The following ATRNL1 variants were observed in gnomAD, a reference collection of about 807,000 sequenced individuals.
ATRNL1 encodes the protein attractin like 1.
A neutral mutation model predicts 182.7 loss-of-function variants in ATRNL1; 95 were observed. The ratio of observed to expected loss-of-function variants is 0.52; its 90% CI spans 0.44 to 0.62. ATRNL1 has a LOEUF of 0.62. Among genes scored for constraint, ATRNL1 ranks in the 20% least tolerant of loss-of-function variants. The pLI is 0.00. For missense variants in ATRNL1, 1,471 were observed against 1,679.5 expected, an observed-to-expected ratio of 0.88 and a Z score of 2.17; for synonymous variants, 576 against 568.3, an observed-to-expected ratio of 1.01 and a Z score of -0.19.
At chr10:115,853,409 A>G (rs1442823528) in intron 28 of ATRNL1, among the ~76,000 whole-genome samples, 1 of 152,214 alleles carries the variant, frequency 6.6e-6, no homozygotes, top group Non-Finnish European at 1.5e-5. Context: ...AGTGAGAGGT[A>G]CATTTCCCAT....
At chr10:115,484,133 G>C (rs1414630) in intron 24 of ATRNL1, among the ~76,000 whole-genome samples, 95,501 of 150,406 alleles carry the variant, frequency 0.63, 31,350 homozygotes, top group Non-Finnish European at 0.71. Flanking sequence ...TTTTTTTTCA[G>C]TAAATGTCAA....
At chr10:115,784,881 G>T (rs1250148605) in intron 27 of ATRNL1, among the ~76,000 whole-genome samples, 2 of 152,104 alleles carry the variant, frequency 1.3e-5, no homozygotes, top group Non-Finnish European at 2.9e-5. Context: ...CACATTTTGG[G>T]TGGACATGAA....
chr10:115,113,666 C>G (rs1425637546), intron 1 of ATRNL1, among the ~76,000 whole-genome samples: 1 of 152,170 alleles, frequency 6.6e-6, no homozygotes, highest in African/African-American at 2.4e-5. Flanking sequence ...TGCCTTCCAC[C>G]ATGATTGTGC....
rs548661522 is a variant in ATRNL1, at chr10:115,289,612, T to C, written c.2415+3215T>C. 1.3e-4 allele frequency among the ~76,000 whole-genome samples: 20 copies of C among 152,280 alleles called. No homozygotes were observed. The South Asian group carries it at 4.1e-3, about 32-fold the overall frequency. ...AATTCTAATGCATATAGAGATCCAGTGTTTCTAGTACTATTTATTGAAGAG... is the reference window on the plus strand; with the variant it reads ...AATTCTAATGCATATAGAGATCCAGCGTTTCTAGTACTATTTATTGAAGAG... On this transcript the variant is annotated intron_variant, in intron 15 of 28. Coordinates refer to ENST00000355044, the MANE Select transcript of ATRNL1 (RefSeq NM_207303.4).
intron 8 of ATRNL1, among the ~76,000 whole-genome samples, chr10:115,188,239 TAGA>T (rs1159850640): frequency 4.6e-5 from 7 of 152,096 alleles, no homozygotes; most frequent in East Asian, 1.9e-4. Flanking sequence ...AATGTGAAAA[TAGA>T]AGAAGTAGAT....
chr10:115,292,580 C>T (rs1306307696), intron 15 of ATRNL1, among the ~76,000 whole-genome samples: 1 of 152,010 alleles, frequency 6.6e-6, no homozygotes, highest in Non-Finnish European at 1.5e-5. Flanking sequence ...TCAGCAGTCT[C>T]AAGTAATTTT....
intron 26 of ATRNL1, among the ~76,000 whole-genome samples, chr10:115,698,809 C>CA (rs1235936794): frequency 6.6e-6 from 1 of 150,434 alleles, no homozygotes; most frequent in African/African-American, 2.4e-5. Flanking sequence ...GTGAGTAGAC[C>CA]AAAAAAAAGA....
intron 27 of ATRNL1, among the ~76,000 whole-genome samples, chr10:115,758,106 A>G (rs1022952026): frequency 3.3e-5 from 5 of 151,970 alleles, no homozygotes; most frequent in African/African-American, 4.8e-5. Context: ...GGGTTAGAAC[A>G]TGCTTCTTTA....
intron 26 of ATRNL1, among the ~76,000 whole-genome samples, chr10:115,585,467 C>T (rs1232132061): frequency 2.4e-5 from 3 of 125,874 alleles, no homozygotes; most frequent in African/African-American, 9.3e-5. Context: ...GGATAGTTAG[C>T]TCTTCTTGTT....
intron 25 of ATRNL1, among the ~76,000 whole-genome samples, chr10:115,544,526 C>A (rs1487686813): frequency 1.3e-5 from 2 of 152,080 alleles, no homozygotes; most frequent in Non-Finnish European, 2.9e-5. Context: ...AAAGCAGGAA[C>A]AAGCAAGAGA....
At chr10:115,816,563 A>T (rs1950169801) in intron 27 of ATRNL1, among the ~76,000 whole-genome samples, 1 of 151,996 alleles carries the variant, frequency 6.6e-6, no homozygotes, top group Non-Finnish European at 1.5e-5. Context: ...TTACAGAAGG[A>T]CGTGAAGAAG....
At chr10:115,390,280 G>T (rs1554954064) in intron 19 of ATRNL1, among the ~76,000 whole-genome samples, 1 of 152,118 alleles carries the variant, frequency 6.6e-6, no homozygotes, top group East Asian at 1.9e-4. Flanking sequence ...CCAGATCAAT[G>T]TCATGTAGCA....
intron 8 of ATRNL1, among the ~76,000 whole-genome samples, chr10:115,188,966 G>A (rs1181681256): frequency 2.0e-5 from 3 of 152,136 alleles, no homozygotes; most frequent in Non-Finnish European, 4.4e-5. Context: ...TTTCATTTGT[G>A]CAGACCTTTT....
At chr10:115,372,127 A>G (rs1857427979) in intron 19 of ATRNL1, among the ~76,000 whole-genome samples, 1 of 152,090 alleles carries the variant, frequency 6.6e-6, no homozygotes, top group Non-Finnish European at 1.5e-5. Flanking sequence ...TCTTTTGTAA[A>G]TTGCTCCCAG....
chr10:115,898,995 A>C (rs7893493), intron 28 of ATRNL1, among the ~76,000 whole-genome samples: 3 of 150,146 alleles, frequency 2.0e-5, no homozygotes, highest in African/African-American at 7.4e-5. Context: ...TCTAGGGTAC[A>C]TGTGCACAAT....
In ATRNL1 at chr10:115,301,942, G is replaced by A. The variant is rs373366454; in HGVS notation, c.2717G>A (p.Cys906Tyr). 1 of 1,614,104 alleles carries A rather than the reference G, an allele frequency of 6.2e-7. No homozygotes were observed. Among genetic ancestry groups the A allele is most frequent in the Non-Finnish European group, 8.5e-7 (1 of 1,179,950 alleles). Reference sequence around the variant, plus strand: ...AACTGTACAAGCAATGGCATGGAGTGTATGTGGTGCAGCAGTACGAAACGA... The same window carrying A: ...AACTGTACAAGCAATGGCATGGAGTATATGTGGTGCAGCAGTACGAAACGA... ...CSNCTSNGME[C>Y]MWCSSTKRCV... Residue 906 changes from cysteine (C) to tyrosine (Y), a missense_variant, in exon 17 of 29, where the codon TGT becomes TAT. Cys to Tyr is a radical substitution (Grantham distance 194). Coordinates refer to ENST00000355044, the MANE Select transcript of ATRNL1 (RefSeq NM_207303.4).
At chr10:115,197,929 C>T (rs1328376485) in intron 8 of ATRNL1, among the ~76,000 whole-genome samples, 1 of 152,000 alleles carries the variant, frequency 6.6e-6, no homozygotes, top group Non-Finnish European at 1.5e-5. Context: ...GTTGATGAGC[C>T]CTTAGGTTGA....
chr10:115,633,433 T>A (rs1245988621), intron 26 of ATRNL1, among the ~76,000 whole-genome samples: 1 of 152,182 alleles, frequency 6.6e-6, no homozygotes, highest in Non-Finnish European at 1.5e-5. Context: ...GTCTATAGAT[T>A]TACACTATAA....
intron 26 of ATRNL1, among the ~76,000 whole-genome samples, chr10:115,663,265 A>G (rs1341835650): frequency 6.6e-6 from 1 of 152,110 alleles, no homozygotes; most frequent in Non-Finnish European, 1.5e-5. Context: ...TAGGCAAAAC[A>G]TGGATTCAAA....
Sources: allele counts gnomAD v4.1 joint callset (sites outside exome capture counted in the v4.1 genomes callset), GRCh38; gene constraint gnomAD v4.1.1; transcripts MANE v1.5; gene names NCBI Gene and HGNC (gene_info 2026-07-23, HGNC 2026-07-21).